PLEKHA6: variants seen among roughly 807,000 people sequenced by gnomAD.
PLEKHA6 encodes pleckstrin homology domain containing A6, also known as pleckstrin homology domain-containing family A member 6.
A neutral mutation model predicts 116.7 loss-of-function variants in PLEKHA6; 60 were observed. The ratio of observed to expected loss-of-function variants is 0.51; its 90% CI spans 0.42 to 0.64. The LOEUF (loss-of-function observed/expected upper bound fraction) is 0.64, where lower values mean the gene tolerates loss of function less well. Among genes scored for constraint, PLEKHA6 ranks in the 30% least tolerant of loss-of-function variants. PLEKHA6 has a pLI of 0.00. For missense variants in PLEKHA6, 1,338 were observed against 1,422.7 expected (o/e 0.94, Z 0.96); for synonymous variants, 489 against 556.1 (o/e 0.88, Z 1.70).
At chr1:204,334,670 G>T (rs1337732895) in intron 1 of PLEKHA6, among the ~76,000 whole-genome samples, 1 of 152,110 alleles carries the variant, frequency 6.6e-6, no homozygotes, top group Non-Finnish European at 1.5e-5. Context: ...AGGTCAGGGT[G>T]GGTGGATCAC....
At chr1:204,290,090 A>G (rs1201129212) in intron 1 of PLEKHA6, among the ~76,000 whole-genome samples, 1 of 152,244 alleles carries the variant, frequency 6.6e-6, no homozygotes, top group African/African-American at 2.4e-5. Flanking sequence ...AGGAGACTCA[A>G]TATTGTTAAA....
Position 204,247,351 on chromosome 1 carries a change from G to A in PLEKHA6, c.1920+14C>T, listed in dbSNP as rs749862161. On this transcript the variant is annotated intron_variant, in intron 13 of 22. Coordinates refer to ENST00000272203, the MANE Select transcript of PLEKHA6 (RefSeq NM_014935.5). Reference sequence around the variant, plus strand: ...CACATCCCAATCCCCGCCAGCTCAGGGGCCCTTCTTCACCTGGGTGTCCAA... The same window carrying A: ...CACATCCCAATCCCCGCCAGCTCAGAGGCCCTTCTTCACCTGGGTGTCCAA... 6.4e-7 allele frequency: 1 copy of A among 1,551,294 alleles called. No individual in the cohort carries two copies. Among genetic ancestry groups the A allele is most frequent in the South Asian group, 1.1e-5 (1 of 89,822 alleles).
At position 204,219,241 on chromosome 1, in the gene PLEKHA6, G is replaced by GTATA. The variant is rs138599445; in HGVS notation, c.*3543_*3546dup. The GTATA allele has an allele frequency of 5.9e-4, 84 of 143,538 alleles. No individual in the cohort carries two copies. The highest frequency in any genetic ancestry group is 9.6e-4 in the Non-Finnish European group (62 of 64,518). 8.9% of individuals were successfully genotyped at this position (143,538 alleles called of 1,614,324 possible). The stretch of plus-strand genomic sequence containing the variant: ...TATACGTGTGTGTGTGTGTGTGTGT[G>GTATA]TATATATATATATATATATAATGTG... On this transcript the variant is annotated 3_prime_UTR_variant, in exon 23 of 23. Transcript: ENST00000272203.
At chr1:204,329,305 G>A (rs2103262414) in intron 1 of PLEKHA6, among the ~76,000 whole-genome samples, 1 of 152,286 alleles carries the variant, frequency 6.6e-6, no homozygotes, top group East Asian at 1.9e-4. Flanking sequence ...TGGCCTTCAT[G>A]GGGCCCATGT....
At chr1:204,226,712 A>G (rs1374812451) in intron 21 of PLEKHA6, among the ~76,000 whole-genome samples, 1 of 152,152 alleles carries the variant, frequency 6.6e-6, no homozygotes, top group African/African-American at 2.4e-5. Flanking sequence ...CACCCATTCT[A>G]AAGTCCATTA....
intron 17 of PLEKHA6, among the ~76,000 whole-genome samples, chr1:204,234,530 T>C (rs998616261): frequency 2.0e-5 from 3 of 152,210 alleles, no homozygotes; most frequent in African/African-American, 7.2e-5. Context: ...CAACGCACAT[T>C]ATGATAATTT....
chr1:204,364,370 G>T (rs1208063334), upstream of PLEKHA6, among the ~76,000 whole-genome samples: 4 of 152,230 alleles, frequency 2.6e-5, no homozygotes, highest in Non-Finnish European at 5.9e-5. Flanking sequence ...GTGCCATCAT[G>T]CTAAGAGCAA....
At chr1:204,280,565 A>G (rs773951291) in intron 1 of PLEKHA6, 37 of 475,498 alleles carry the variant, frequency 7.8e-5, no homozygotes, top group Non-Finnish European at 9.9e-5. Context: ...GGCTTCCAGC[A>G]TTACAGCTCA....
Position 204,267,479 on chromosome 1 carries a change from A to G in PLEKHA6, c.276T>C (p.Tyr92=), listed in dbSNP as rs1483993999. The G allele has an allele frequency of 2.5e-6, 4 of 1,613,784 alleles. No homozygotes were observed. Among genetic ancestry groups the G allele is most frequent in the Admixed American group, 1.7e-5 (1 of 60,022 alleles). Residue 92 remains tyrosine, a synonymous_variant, in exon 5 of 23, where the codon TAT becomes TAC. Transcript: ENST00000272203. The stretch of plus-strand genomic sequence containing the variant: ...CAGTCCAAGGGCCAAGCTCACCTTT[A>G]TAGTAGAAGAGGCAGCGATCCACCA... ...FVLVDRCLFY[Y]KDEKEESILG...
At chr1:204,276,946 C>T (rs534594115) in intron 1 of PLEKHA6, 1 of 152,786 alleles carries the variant, frequency 6.5e-6, no homozygotes, top group Non-Finnish European at 1.5e-5. Context: ...GCTGCCAACT[C>T]AGCTTGCTCT....
intron 17 of PLEKHA6, 106 bp from the exon 18 acceptor site, chr1:204,230,692 G>A: frequency 1.1e-6 from 1 of 926,460 alleles, no homozygotes; most frequent in Non-Finnish European, 1.6e-6. Flanking sequence ...TGCCTGTAGT[G>A]GACTGAAGAG....
chr1:204,335,786 A>T (rs1672626648), intron 1 of PLEKHA6, among the ~76,000 whole-genome samples: 1 of 152,054 alleles, frequency 6.6e-6, no homozygotes, highest in Non-Finnish European at 1.5e-5. Flanking sequence ...TGGGCTGTGG[A>T]GGATGACAGT....
chr1:204,354,746 G>A (rs10494854), intron 1 of PLEKHA6, among the ~76,000 whole-genome samples: 97,279 of 152,106 alleles, frequency 0.64, 34,076 homozygotes, highest in East Asian at 0.83. Context: ...GCTAACATAC[G>A]GATCATAATT....
chr1:204,355,156 G>A (rs910139035), intron 1 of PLEKHA6, among the ~76,000 whole-genome samples: 1 of 152,222 alleles, frequency 6.6e-6, no homozygotes, highest in African/African-American at 2.4e-5. Context: ...TGGAGGGAGA[G>A]AGACGATTAT....
intron 1 of PLEKHA6, among the ~76,000 whole-genome samples, chr1:204,292,909 G>C (rs1010952732): frequency 4.1e-4 from 4 of 9,778 alleles, no homozygotes; most frequent in African/African-American, 3.2e-3. Context: ...GAAGCTGTTA[G>C]TGTTAGAGAG....
intron 6 of PLEKHA6, among the ~76,000 whole-genome samples, chr1:204,264,104 A>G (rs919443126): frequency 2.0e-5 from 3 of 152,160 alleles, no homozygotes; most frequent in Non-Finnish European, 4.4e-5. Context: ...CTTGGACAGC[A>G]ATTGTCAATT....
At chr1:204,357,257 G>C (rs757713461) in intron 1 of PLEKHA6, among the ~76,000 whole-genome samples, 1 of 152,154 alleles carries the variant, frequency 6.6e-6, no homozygotes, top group Non-Finnish European at 1.5e-5. Flanking sequence ...TCCAAGTGAG[G>C]CTGCTGCTTC....
chr1:204,267,401 G>C, intron 5 of PLEKHA6, 74 bp downstream of exon 5: 2 of 1,333,784 alleles, frequency 1.5e-6, no homozygotes, highest in Non-Finnish European at 2.2e-6. Flanking sequence ...CCAAGCTCGG[G>C]GATATGGCAG....
intron 12 of PLEKHA6, 38 bp from the exon 13 acceptor site, chr1:204,247,498 T>A: frequency 7.4e-7 from 1 of 1,349,034 alleles, no homozygotes; most frequent in Non-Finnish European, 1.1e-6. Flanking sequence ...AAAGCCGCCA[T>A]CACCAAGGCA....
Sources: allele counts gnomAD v4.1 joint callset (sites outside exome capture counted in the v4.1 genomes callset), GRCh38; gene constraint gnomAD v4.1.1; transcripts MANE v1.5; gene names NCBI Gene and HGNC (gene_info 2026-07-23, HGNC 2026-07-21).